PDE1A: variants seen among roughly 807,000 people sequenced by gnomAD.
PDE1A encodes the protein dual specificity calcium/calmodulin-dependent 3',5'-cyclic nucleotide phosphodiesterase 1A.
Under a neutral mutation model 61.7 loss-of-function variants are expected in PDE1A, and 35 were observed. The ratio of observed to expected loss-of-function variants is 0.57; its 90% CI spans 0.43 to 0.75. The LOEUF (loss-of-function observed/expected upper bound fraction) is 0.75, where lower values mean the gene tolerates loss of function less well. Among genes scored for constraint, PDE1A ranks in the 30% least tolerant of loss-of-function variants. The pLI is 0.00. For synonymous variants in PDE1A, 232 were observed against 213.2 expected (o/e 1.09, Z -0.77); for missense variants, 597 against 630.6 (o/e 0.95, Z 0.57).
chr2:182,401,589 G>A lies in PDE1A; in HGVS notation c.53+24989C>T, dbSNP rs543066716. Among the ~76,000 whole-genome samples, 7 of 152,282 alleles carry A rather than the reference G, an allele frequency of 4.6e-5. No individual in the cohort carries two copies. The East Asian group carries it at 1.2e-3, about 25-fold the overall frequency. The stretch of plus-strand genomic sequence containing the variant: ...CATACAGAATGGGCAAAAGCTGGAA[G>A]CATTCTCTCTGAAAACCGGCACAAG... On this transcript the variant is annotated intron_variant, in intron 1 of 13. Coordinates refer to ENST00000351439, the Ensembl canonical transcript of PDE1A.
intron 13 of PDE1A, among the ~76,000 whole-genome samples, chr2:182,170,023 T>C (rs1196184029): frequency 6.6e-6 from 1 of 151,784 alleles, no homozygotes; most frequent in Non-Finnish European, 1.5e-5. Context: ...ATCCTTAAGT[T>C]ATGCTGCTGT....
intron 7 of PDE1A, among the ~76,000 whole-genome samples, chr2:182,217,440 C>T (rs1688290751): frequency 9.7e-6 from 1 of 102,826 alleles, no homozygotes; most frequent in Non-Finnish European, 2.0e-5. Context: ...AACTAAAGAG[C>T]TTCTGCACAG....
At chr2:182,323,975 A>AT in intron 1 of PDE1A, among the ~76,000 whole-genome samples, 1 of 152,126 alleles carries the variant, frequency 6.6e-6, no homozygotes, top group African/African-American at 2.4e-5. Context: ...CCAGGGAATC[A>AT]ATCAGAGACT....
At position 182,267,870 on chromosome 2, in the gene PDE1A, G is replaced by C. The variant is rs73032432; in HGVS notation, c.54-3456C>G. 9.7e-3 allele frequency among the ~76,000 whole-genome samples: 1,471 copies of C among 151,928 alleles called. 22 individuals carry two copies. Among genetic ancestry groups the C allele is most frequent in the African/African-American group, 0.033 (1,364 of 41,456 alleles). ...TACTGGTGGGTTCCAAAGTGTTAAG[G>C]CTTTATTGTATATATCTGTACAATT... is the stretch of plus-strand genomic sequence containing the variant. On this transcript the variant is annotated intron_variant, in intron 1 of 13. Transcript: ENST00000351439.
At chr2:182,605,632 C>A in the PDE1A span, among the ~76,000 whole-genome samples, 2 of 152,148 alleles carry the variant, frequency 1.3e-5, no homozygotes, top group African/African-American at 4.8e-5. Context: ...GCTACATAAC[C>A]ACACCAGCTA....
intron 2 of PDE1A, among the ~76,000 whole-genome samples, chr2:182,480,705 G>C (rs1004472676): frequency 1.3e-5 from 2 of 151,886 alleles, no homozygotes; most frequent in Non-Finnish European, 1.5e-5. Context: ...TTTATATAAC[G>C]GACTTGAGCA....
At chr2:182,302,423 C>T (rs1370861214) in intron 1 of PDE1A, among the ~76,000 whole-genome samples, 1 of 152,212 alleles carries the variant, frequency 6.6e-6, no homozygotes, top group Non-Finnish European at 1.5e-5. Context: ...TTGTACTACA[C>T]TGTAATCTCT....
intron 2 of PDE1A, among the ~76,000 whole-genome samples, chr2:182,507,953 T>A (rs1428294873): frequency 6.6e-6 from 1 of 152,116 alleles, no homozygotes; most frequent in Non-Finnish European, 1.5e-5. Context: ...TAAGGCAGAA[T>A]AAACTATATT....
chr2:182,606,094 G>T, the PDE1A span, among the ~76,000 whole-genome samples: 1 of 152,156 alleles, frequency 6.6e-6, no homozygotes, highest in Non-Finnish European at 1.5e-5. Flanking sequence ...TGGAAGATAG[G>T]TATGAAATAT....
intron 1 of PDE1A, among the ~76,000 whole-genome samples, chr2:182,285,204 G>T (rs1001529459): frequency 2.0e-5 from 3 of 151,990 alleles, no homozygotes; most frequent in African/African-American, 4.8e-5. Context: ...GATACTCCTT[G>T]GTTTTTATGT....
At chr2:182,692,401 C>T in the PDE1A span, among the ~76,000 whole-genome samples, 2 of 151,938 alleles carry the variant, frequency 1.3e-5, no homozygotes, top group African/African-American at 4.8e-5. Context: ...CCATCATTCT[C>T]AGCAAACTAT....
At chr2:182,429,615 T>C (rs1054246398), upstream of PDE1A, among the ~76,000 whole-genome samples, 37 of 152,146 alleles carry the variant, frequency 2.4e-4, no homozygotes, top group African/African-American at 8.9e-4. Context: ...GTTAATTTTC[T>C]AAAACACAAA....
chr2:182,376,584 C>T (rs1197685581), intron 1 of PDE1A, among the ~76,000 whole-genome samples: 1 of 152,176 alleles, frequency 6.6e-6, no homozygotes, highest in African/African-American at 2.4e-5. Flanking sequence ...TTCTTATCTT[C>T]TTCTGAGCCC....
rs536842570 is a variant in PDE1A at position 182,388,025 on chromosome 2, G to A, written c.53+38553C>T. 3.3e-5 allele frequency among the ~76,000 whole-genome samples: 5 copies of A among 152,214 alleles called. No individual in the cohort carries two copies. The East Asian group carries it at 9.6e-4, about 29-fold the overall frequency. ...GGAAATAGAAACCAAAAAAGAGCAGGAGTAACTATACCTATACAGACAAAA... is the reference window on the plus strand; with the variant it reads ...GGAAATAGAAACCAAAAAAGAGCAGAAGTAACTATACCTATACAGACAAAA... On this transcript the variant is annotated intron_variant, in intron 1 of 13. Coordinates refer to ENST00000351439, the Ensembl canonical transcript of PDE1A.
the PDE1A span, among the ~76,000 whole-genome samples, chr2:182,567,351 G>A: frequency 5.9e-5 from 9 of 152,200 alleles, no homozygotes; most frequent in Admixed American, 2.6e-4. Flanking sequence ...AGAAAGGGAA[G>A]AAGATTTTAT....
At chr2:182,641,630 T>C in the PDE1A span, among the ~76,000 whole-genome samples, 1 of 152,262 alleles carries the variant, frequency 6.6e-6, no homozygotes, top group African/African-American at 2.4e-5. Flanking sequence ...TATGGTTTCA[T>C]GTTCTGAGAA....
At chr2:182,651,444 T>A in the PDE1A span, among the ~76,000 whole-genome samples, 1 of 152,350 alleles carries the variant, frequency 6.6e-6, no homozygotes, top group African/African-American at 2.4e-5. Context: ...TATGATCTTT[T>A]TCCTCCCAAG....
chr2:182,403,598 C>CAAAAAAAAAAAAAAAAAAA (rs548993514), intron 1 of PDE1A, among the ~76,000 whole-genome samples: 9 of 77,630 alleles, frequency 1.2e-4, no homozygotes, highest in African/African-American at 4.3e-4. Flanking sequence ...GACTCCGTCT[C>CAAAAAAAAAAAAAAAAAAA]AAAAAAAAAA....
chr2:182,331,897 C>T (rs1436315773), intron 1 of PDE1A, among the ~76,000 whole-genome samples: 3 of 152,150 alleles, frequency 2.0e-5, no homozygotes, highest in African/African-American at 7.2e-5. Flanking sequence ...GTTGGCCTGC[C>T]TTGCTAGGTT....
Sources: gnomAD v4.1 joint callset for allele counts (sites outside exome capture counted in the v4.1 genomes callset) on GRCh38, gnomAD v4.1.1 for gene constraint, MANE v1.5 for transcripts, NCBI Gene and HGNC (gene_info 2026-07-23, HGNC 2026-07-21) for gene names.